DAPK1: variants seen among roughly 807,000 people sequenced by gnomAD.
The protein encoded by DAPK1 is death associated protein kinase 1.
DAPK1 carries 56 observed loss-of-function variants against 144.9 expected under a neutral mutation model. The observed-to-expected ratio is 0.39, with a 90% CI of 0.31 to 0.48. The LOEUF (loss-of-function observed/expected upper bound fraction) is 0.48. Among genes scored for constraint, DAPK1 ranks in the 20% least tolerant of loss-of-function variants. DAPK1 has a pLI of 0.95. For synonymous variants in DAPK1, 690 were observed against 749.0 expected, an observed-to-expected ratio of 0.92 and a Z score of 1.29; for missense variants, 1,454 against 1,875.4, an observed-to-expected ratio of 0.78 and a Z score of 4.15.
At chr9:87,584,936 C>T (rs1004248425) in intron 2 of DAPK1, among the ~76,000 whole-genome samples, 3 of 152,316 alleles carry the variant, frequency 2.0e-5, no homozygotes, top group Admixed American at 2.0e-4. Flanking sequence ...CTCGGCCTCT[C>T]AAAGTTCTGG....
chr9:87,568,495 T>G (rs932585661), intron 2 of DAPK1, among the ~76,000 whole-genome samples: 3 of 152,220 alleles, frequency 2.0e-5, no homozygotes, highest in African/African-American at 7.2e-5. Context: ...TAATGCATTC[T>G]GTGGGGGAGA....
In DAPK1 at chr9:87,706,835, G is replaced by A. The variant is rs1825660214; in HGVS notation, c.3764G>A (p.Arg1255Gln). ...HHEPVMIYQP[R>Q]DFFRAQTLKE... is the part of the protein sequence containing the mutation. ...GAGCCCGTCATGATCTACCAGCCACGGGACTTCTTCCGGGCACAGACTCTG... is the reference window on the plus strand; with the variant it reads ...GAGCCCGTCATGATCTACCAGCCACAGGACTTCTTCCGGGCACAGACTCTG... The change falls in exon 26 of 26, where the codon CGG (arginine) becomes CAG (glutamine). Residue 1255 changes from arginine (R) to glutamine (Q), a missense_variant. By Grantham distance (43) the Arg-to-Gln change is conservative. Coordinates refer to ENST00000408954, the MANE Select transcript of DAPK1 (RefSeq NM_004938.4). The surrounding 1 kb of genome is among the most constrained non-coding windows in gnomAD (Gnocchi z 9.0). 2.5e-6 allele frequency: 4 copies of A among 1,613,830 alleles called. No individual in the cohort carries two copies. Among genetic ancestry groups the A allele is most frequent in the Non-Finnish European group, 3.4e-6 (4 of 1,179,994 alleles).
In DAPK1 at chr9:87,653,670, A is replaced by T. The variant is rs115449279; in HGVS notation, c.1824+1946A>T. 7.2e-3 allele frequency among the ~76,000 whole-genome samples: 1,084 copies of T among 150,200 alleles called. 8 individuals are homozygous for T. Among genetic ancestry groups the T allele is most frequent in the African/African-American group, 0.024 (971 of 40,974 alleles). On this transcript the variant is annotated intron_variant, in intron 17 of 25. Coordinates refer to ENST00000408954, the MANE Select transcript of DAPK1 (RefSeq NM_004938.4). ...GGACTGTATTTCTCTTTTTTATTTTATTTATTTATTTTATTTATTATCATT... is the reference window on the plus strand; with the variant it reads ...GGACTGTATTTCTCTTTTTTATTTTTTTTATTTATTTTATTTATTATCATT...
chr9:87,529,162 C>T (rs190779505), intron 2 of DAPK1, among the ~76,000 whole-genome samples: 1 of 152,174 alleles, frequency 6.6e-6, no homozygotes, highest in African/African-American at 2.4e-5. Context: ...TGTTAAACCG[C>T]GTACTTGATC....
At position 87,708,300 on chromosome 9, in the gene DAPK1, C is replaced by T. The variant is rs968113910; in HGVS notation, c.*936C>T. 1 of 153,936 alleles carries T rather than the reference C, an allele frequency of 6.5e-6. No homozygotes were observed. Among genetic ancestry groups the T allele is most frequent in the African/African-American group, 2.4e-5 (1 of 41,398 alleles). The allele number at this position is 153,936 out of a possible 1,614,324, so 9.5% of individuals were successfully genotyped here. A position where few individuals can be genotyped will look rare whatever the true frequency, so the allele number is the denominator to read the frequency against. On this transcript the variant is annotated 3_prime_UTR_variant, in exon 26 of 26. Transcript: ENST00000408954. Reference sequence around the variant, plus strand: ...CCCCTGACTCATCATTTGTGGCAGTCCCTTATAATTGGTGCATAGCAGATG... The same window carrying T: ...CCCCTGACTCATCATTTGTGGCAGTTCCTTATAATTGGTGCATAGCAGATG...
intron 3 of DAPK1, among the ~76,000 whole-genome samples, chr9:87,608,286 C>T (rs1828805197): frequency 6.6e-6 from 1 of 152,190 alleles, no homozygotes; most frequent in Admixed American, 6.5e-5. Flanking sequence ...GCTTCTTTCA[C>T]TCAGCATAAT....
chr9:87,612,355 T>C (rs1047198251), intron 3 of DAPK1, among the ~76,000 whole-genome samples: 2 of 152,240 alleles, frequency 1.3e-5, no homozygotes, highest in Non-Finnish European at 2.9e-5. Flanking sequence ...ATAGGACTGG[T>C]GTCCTTATAA....
In DAPK1 at chr9:87,640,295, C is replaced by A; in HGVS notation, c.630-3C>A. ...GTTCTATGCCCAACTTTATTTTTAA[C>A]AGCCTAAGTGGGGCCTCCCCATTTC... is the stretch of plus-strand genomic sequence containing the variant. On this transcript the variant is annotated splice_region_variant and splice_polypyrimidine_tract_variant and intron_variant, in intron 7 of 25. Transcript: ENST00000408954. 1 of 1,611,006 alleles carries A rather than the reference C, an allele frequency of 6.2e-7. No homozygotes were observed. The highest frequency in any genetic ancestry group is 8.5e-7 in the Non-Finnish European group (1 of 1,178,832).
At chr9:87,633,563 A>G (rs1202509473) in intron 3 of DAPK1, among the ~76,000 whole-genome samples, 1 of 152,182 alleles carries the variant, frequency 6.6e-6, no homozygotes, top group Admixed American at 6.5e-5. Context: ...AAGAGGATCA[A>G]CTAGTGCTCT....
At chr9:87,620,974 C>T (rs778063358) in intron 3 of DAPK1, among the ~76,000 whole-genome samples, 1 of 152,296 alleles carries the variant, frequency 6.6e-6, no homozygotes, top group South Asian at 2.1e-4. Context: ...CAACCAGAGA[C>T]TTGGCATGTG....
chr9:87,640,863 C>T lies in DAPK1; in HGVS notation c.828+16C>T, dbSNP rs780692602. The T allele has an allele frequency of 6.4e-5, 104 of 1,612,730 alleles. 1 individual carries two copies. The highest frequency in any genetic ancestry group is 3.5e-4 in the South Asian group (32 of 91,046). On this transcript the variant is annotated intron_variant, in intron 9 of 25. Coordinates refer to ENST00000408954, the MANE Select transcript of DAPK1 (RefSeq NM_004938.4). Reference sequence around the variant, plus strand: ...CTGGATCAAGGTGAGTTGCATATTACGAAACTGTTTAGATCACTTTCTATG... The same window carrying T: ...CTGGATCAAGGTGAGTTGCATATTATGAAACTGTTTAGATCACTTTCTATG...
chr9:87,559,849 C>T (rs979195631), intron 2 of DAPK1, among the ~76,000 whole-genome samples: 3 of 152,094 alleles, frequency 2.0e-5, no homozygotes, highest in Non-Finnish European at 2.9e-5. Context: ...TCACCAGACT[C>T]GTGTGCCCAC....
chr9:87,538,978 A>G lies in DAPK1; in HGVS notation c.62+39839A>G, dbSNP rs185957332. Reference sequence around the variant, plus strand: ...TTATATATTTAAAATATATCTTAAAATATTTTATTTATATTTAAACATATA... The same window carrying G: ...TTATATATTTAAAATATATCTTAAAGTATTTTATTTATATTTAAACATATA... On this transcript the variant is annotated intron_variant, in intron 2 of 25. Transcript: ENST00000408954. Among the ~76,000 whole-genome samples the G allele has an allele frequency of 9.1e-3, 1,371 of 150,034 alleles. 16 individuals carry two copies. The highest frequency in any genetic ancestry group is 0.04 in the South Asian group (193 of 4,814).
intron 2 of DAPK1, among the ~76,000 whole-genome samples, chr9:87,576,194 A>G (rs1827552359): frequency 6.6e-6 from 1 of 152,228 alleles, no homozygotes; most frequent in Non-Finnish European, 1.5e-5. Context: ...ACATGCGTAC[A>G]CACGTACACA....
chr9:87,650,885 G>T (rs1398186125), intron 16 of DAPK1, among the ~76,000 whole-genome samples: 1 of 152,176 alleles, frequency 6.6e-6, no homozygotes, highest in African/African-American at 2.4e-5. Flanking sequence ...GAATCACCCA[G>T]CTCCAAATGC....
chr9:87,678,815 A>G (rs567355690), intron 19 of DAPK1, among the ~76,000 whole-genome samples: 1 of 152,132 alleles, frequency 6.6e-6, no homozygotes. Context: ...TCCCCTCAAC[A>G]TTGTGGGAAC....
intron 3 of DAPK1, among the ~76,000 whole-genome samples, chr9:87,613,681 T>G (rs1829003591): frequency 6.6e-6 from 1 of 152,226 alleles, no homozygotes; most frequent in Non-Finnish European, 1.5e-5. Flanking sequence ...TCAAAGGATC[T>G]TAAAAGTGGC....
At chr9:87,591,749 T>C (rs1828143112) in intron 2 of DAPK1, among the ~76,000 whole-genome samples, 1 of 152,246 alleles carries the variant, frequency 6.6e-6, no homozygotes, top group Admixed American at 6.5e-5. Flanking sequence ...TTTGCATTCA[T>C]GCACCCATTA....
At chr9:87,506,908 C>CT (rs1359589343) in intron 2 of DAPK1, 2 of 152,208 alleles carry the variant, frequency 1.3e-5, no homozygotes, top group Non-Finnish European at 2.9e-5. Context: ...CTAACTTTCT[C>CT]TAACTATTAA....
Sources: gnomAD v4.1 joint callset for allele counts (sites outside exome capture counted in the v4.1 genomes callset) on GRCh38, gnomAD v4.1.1 for gene constraint, Gnocchi (gnomAD v3.1) non-coding constraint, MANE v1.5 for transcripts, NCBI Gene and HGNC (gene_info 2026-07-23, HGNC 2026-07-21) for gene names.